Variants in MSH4 observed in about 807,000 individuals in gnomAD.
MSH4 encodes mutS protein homolog 4.
MSH4 carries 106 observed loss-of-function variants against 113.7 expected under a neutral mutation model. That is an observed-to-expected ratio of 0.93 (90% CI 0.80 to 1.10). MSH4 has a LOEUF of 1.10. MSH4 is among the 50% of genes least tolerant of loss of function. The pLI is 0.00. For synonymous variants in MSH4, 368 were observed against 380.2 expected (o/e 0.97, Z 0.37); for missense variants, 1,061 against 1,093.7 (o/e 0.97, Z 0.42).
chr1:75,875,195 A>G (rs529553837), intron 9 of MSH4, among the ~76,000 whole-genome samples: 11 of 152,310 alleles, frequency 7.2e-5, no homozygotes, highest in African/African-American at 2.2e-4. Context: ...CGCCAGGCCA[A>G]TTGACATTTT....
Position 75,878,970 on chromosome 1 carries a change from TTTTC to T in MSH4, c.1541-19_1541-16del. The T allele has an allele frequency of 6.3e-7, 1 of 1,588,798 alleles. No individual in the cohort carries two copies. The highest frequency in any genetic ancestry group is 8.6e-7 in the Non-Finnish European group (1 of 1,164,002). The stretch of plus-strand genomic sequence containing the variant: ...TTTATTCATTTTGTTTTGTTTTTGT[TTTTC>T]TTGTTTCTGGTCACCAGGAATGATA... On this transcript the variant is annotated intron_variant, in intron 11 of 19. Coordinates refer to ENST00000263187, the MANE Select transcript of MSH4 (RefSeq NM_002440.4).
intron 8 of MSH4, among the ~76,000 whole-genome samples, chr1:75,854,144 T>C (rs1651265458): frequency 6.6e-6 from 1 of 151,502 alleles, no homozygotes; most frequent in Admixed American, 6.6e-5. Flanking sequence ...GGGTTCATAC[T>C]AGTTTTCTCT....
intron 8 of MSH4, among the ~76,000 whole-genome samples, chr1:75,849,668 C>A (rs921617944): frequency 4.6e-5 from 7 of 152,250 alleles, no homozygotes; most frequent in Admixed American, 2.6e-4. Context: ...CCTAAAACAA[C>A]TGATGTTTGG....
At chr1:75,833,138 A>C (rs1650743690) in intron 7 of MSH4, among the ~76,000 whole-genome samples, 1 of 152,190 alleles carries the variant, frequency 6.6e-6, no homozygotes, top group Admixed American at 6.5e-5. Context: ...CTAAACACCA[A>C]TAACAGACAT....
intron 10 of MSH4, among the ~76,000 whole-genome samples, chr1:75,877,227 T>C (rs1651835311): frequency 6.6e-6 from 1 of 152,112 alleles, no homozygotes; most frequent in Admixed American, 6.6e-5. Context: ...TAGAATAGCA[T>C]GAAAACTTGA....
intron 7 of MSH4, among the ~76,000 whole-genome samples, chr1:75,839,808 C>A (rs7542015): frequency 0.73 from 98,287 of 134,554 alleles, 36,765 homozygotes; most frequent in Middle Eastern, 0.88. Context: ...CAATGAACTC[C>A]AACAAATTTA....
chr1:75,831,642 C>T (rs899528921), intron 7 of MSH4, among the ~76,000 whole-genome samples: 7 of 152,128 alleles, frequency 4.6e-5, no homozygotes, highest in South Asian at 2.1e-4. Flanking sequence ...CACTCAAAAC[C>T]GTTAAACTAC....
In MSH4 at chr1:75,797,942, T is replaced by A. The variant is rs143127843; in HGVS notation, c.244+713T>A. Among the ~76,000 whole-genome samples the A allele has an allele frequency of 3.1e-3, 465 of 152,288 alleles. 1 individual carries two copies. The highest frequency in any genetic ancestry group is 0.011 in the African/African-American group (438 of 41,568). On this transcript the variant is annotated intron_variant, in intron 1 of 19. Transcript: ENST00000263187. ...CTGGGTGACACAGTGAGACCCTGAC[T>A]CAAAACAAACAAACAAAAAAGATGC... is the stretch of plus-strand genomic sequence containing the variant.
chr1:75,804,678 T>G (rs1224050716), intron 2 of MSH4, among the ~76,000 whole-genome samples: 3 of 151,418 alleles, frequency 2.0e-5, no homozygotes, highest in African/African-American at 7.3e-5. Context: ...GCCCGGCTAA[T>G]TTTTGTATTT....
At chr1:75,894,137 C>G (rs1415014945) in intron 17 of MSH4, among the ~76,000 whole-genome samples, 2 of 152,098 alleles carry the variant, frequency 1.3e-5, no homozygotes, top group African/African-American at 4.8e-5. Context: ...ACAGACATTA[C>G]GGCCCACCAT....
intron 17 of MSH4, among the ~76,000 whole-genome samples, chr1:75,895,075 A>G (rs916713611): frequency 4.6e-5 from 7 of 151,994 alleles, no homozygotes; most frequent in African/African-American, 1.5e-4. Context: ...TCTTAATTCC[A>G]AAAGGAGTAT....
At chr1:75,809,629 CTTTTT>C (rs35082709) in intron 3 of MSH4, among the ~76,000 whole-genome samples, 2 of 96,044 alleles carry the variant, frequency 2.1e-5, no homozygotes, top group Non-Finnish European at 4.2e-5. Flanking sequence ...CATAGTTACC[CTTTTT>C]TTTTTTTTTT....
At chr1:75,885,955 A>T (rs1247145751) in intron 15 of MSH4, among the ~76,000 whole-genome samples, 1 of 115,786 alleles carries the variant, frequency 8.6e-6, no homozygotes, top group Non-Finnish European at 1.6e-5. Context: ...AATATATATG[A>T]TGTATTATAT....
At chr1:75,873,183 C>T (rs1049920438) in intron 9 of MSH4, among the ~76,000 whole-genome samples, 2 of 152,186 alleles carry the variant, frequency 1.3e-5, no homozygotes, top group African/African-American at 4.8e-5. Context: ...ACATTTTACA[C>T]CAGCAGCTCA....
At chr1:75,815,276 C>G in intron 5 of MSH4, 140 bp downstream of exon 5, 1 of 493,898 alleles carries the variant, frequency 2.0e-6, no homozygotes, top group Non-Finnish European at 3.6e-6. Flanking sequence ...TTGTTCTCTG[C>G]TGCATTCCTA....
chr1:75,912,915 T>C lies in MSH4; in HGVS notation c.*28T>C, dbSNP rs373568218. ...ACAATTCTAATGTAATAATATATCT[T>C]AATTCAAGGAACCTAGAATTTATTT... On this transcript the variant is annotated 3_prime_UTR_variant, in exon 20 of 20. Coordinates refer to ENST00000263187, the MANE Select transcript of MSH4 (RefSeq NM_002440.4). The C allele has an allele frequency of 6.8e-5, 90 of 1,329,708 alleles. 2 individuals are homozygous for C. The highest frequency in any genetic ancestry group is 5.8e-4 in the Middle Eastern group (3 of 5,216). 82.4% of individuals were successfully genotyped at this position (1,329,708 alleles called of 1,614,324 possible).
In MSH4 at chr1:75,822,452, C is replaced by T. The variant is rs573895131; in HGVS notation, c.1033C>T (p.Pro345Ser). ...LFGVLNYTKT[P>S]GGSRRLRSNI... ...TGGTGTTCTAAATTATACTAAGACTCCTGGAGGGAGTAGACGACTTCGTTC... is the reference window on the plus strand; with the variant it reads ...TGGTGTTCTAAATTATACTAAGACTTCTGGAGGGAGTAGACGACTTCGTTC... The change falls in exon 7 of 20, where the codon CCT becomes TCT. Residue 345 changes from proline to serine, a missense_variant. Physicochemically the swap from Pro to Ser is moderately conservative, Grantham distance 74. Coordinates refer to ENST00000263187, the MANE Select transcript of MSH4 (RefSeq NM_002440.4). 2 of 1,582,512 alleles carry T rather than the reference C, an allele frequency of 1.3e-6. No individual in the cohort carries two copies.
chr1:75,833,914 A>G (rs1650767789), intron 7 of MSH4, among the ~76,000 whole-genome samples: 1 of 152,250 alleles, frequency 6.6e-6, no homozygotes, highest in Non-Finnish European at 1.5e-5. Flanking sequence ...CAATGGCAAC[A>G]AAAGCCAAAA....
At chr1:75,855,562 G>A (rs542009808) in intron 8 of MSH4, among the ~76,000 whole-genome samples, 51 of 152,114 alleles carry the variant, frequency 3.4e-4, no homozygotes, top group Admixed American at 2.8e-3. Context: ...TCTTCATAAC[G>A]CCAATCTGTG....
Sources: allele counts gnomAD v4.1 joint callset (sites outside exome capture counted in the v4.1 genomes callset), GRCh38; gene constraint gnomAD v4.1.1; transcripts MANE v1.5; gene names NCBI Gene and HGNC (gene_info 2026-07-23, HGNC 2026-07-21).